Variants in NEDD4L observed in about 807,000 individuals in gnomAD.
NEDD4L encodes NEDD4 like E3 ubiquitin protein ligase.
A neutral mutation model predicts 148.9 loss-of-function variants in NEDD4L; 54 were observed. The ratio of observed to expected loss-of-function variants is 0.36; its 90% CI spans 0.29 to 0.45. The LOEUF (loss-of-function observed/expected upper bound fraction) is 0.45, where lower values mean the gene tolerates loss of function less well. Ranked by LOEUF, NEDD4L falls within the 20% of genes least tolerant of loss-of-function variation. The pLI, the probability that NEDD4L is intolerant of heterozygous loss-of-function variation, is 1.00. For missense variants in NEDD4L, 856 were observed against 1,233.8 expected (o/e 0.69, Z 4.59); for synonymous variants, 433 against 440.7 (o/e 0.98, Z 0.22).
chr18:58,333,059 C>G (rs2041208964), intron 11 of NEDD4L, among the ~76,000 whole-genome samples: 1 of 151,986 alleles, frequency 6.6e-6, no homozygotes. Flanking sequence ...GGTGAATCAT[C>G]TGAGGTCAGG....
chr18:58,337,683 G>A (rs1196377608), intron 13 of NEDD4L, among the ~76,000 whole-genome samples: 4 of 151,986 alleles, frequency 2.6e-5, no homozygotes, highest in South Asian at 2.1e-4. Context: ...ATTCACTGAC[G>A]TAAAGGCACT....
At chr18:58,206,173 G>A (rs960786493) in intron 2 of NEDD4L, among the ~76,000 whole-genome samples, 2 of 152,130 alleles carry the variant, frequency 1.3e-5, no homozygotes, top group Non-Finnish European at 2.9e-5. Flanking sequence ...CGGATCACCT[G>A]AGGTCAGGAG....
At chr18:58,181,018 T>C (rs191799094) in intron 2 of NEDD4L, among the ~76,000 whole-genome samples, 87 of 152,372 alleles carry the variant, frequency 5.7e-4, no homozygotes, top group Admixed American at 5.4e-3. Flanking sequence ...ATTGGAGTTC[T>C]TTTTCAGAGG....
At chr18:58,357,523 C>G (rs1568833686) in intron 19 of NEDD4L, 2 of 616,174 alleles carry the variant, frequency 3.2e-6, no homozygotes, top group Non-Finnish European at 6.0e-6. Flanking sequence ...AAAGGGTGGA[C>G]TATAAGTATA....
At chr18:58,338,192 TGATGAAAA>T (rs1230756215) in intron 13 of NEDD4L, among the ~76,000 whole-genome samples, 1 of 152,264 alleles carries the variant, frequency 6.6e-6, no homozygotes, top group East Asian at 1.9e-4. Flanking sequence ...ATTCAGTCTA[TGATGAAAA>T]GCTGTGAAAT....
intron 1 of NEDD4L, among the ~76,000 whole-genome samples, chr18:58,147,166 T>C (rs1344463654): frequency 3.3e-5 from 5 of 152,200 alleles, no homozygotes; most frequent in Non-Finnish European, 7.3e-5. Context: ...AAACTAAAAT[T>C]ATTTCAAAAT....
intron 5 of NEDD4L, among the ~76,000 whole-genome samples, chr18:58,301,693 G>C (rs568232785): frequency 3.4e-4 from 52 of 152,302 alleles, no homozygotes; most frequent in African/African-American, 1.2e-3. Context: ...AGCAGCCTGT[G>C]TTTTTTCAAG....
At chr18:58,133,899 A>G (rs972145751) in intron 1 of NEDD4L, among the ~76,000 whole-genome samples, 3 of 152,262 alleles carry the variant, frequency 2.0e-5, no homozygotes, top group African/African-American at 4.8e-5. Flanking sequence ...AGCTCGCTTC[A>G]TCCTCATAAC....
rs74376377 is a variant in NEDD4L at position 58,315,179 on chromosome 18, C to T, written c.298-803C>T. The stretch of plus-strand genomic sequence containing the variant: ...AGTCATTGTGTTCCAGTTTGCTTCT[C>T]GGGTCATCTAAACATCAGAGGCCAT... On this transcript the variant is annotated intron_variant, in intron 5 of 30. Coordinates refer to ENST00000400345, the MANE Select transcript of NEDD4L (RefSeq NM_001144967.3). 4.5e-3 allele frequency among the ~76,000 whole-genome samples: 682 copies of T among 152,180 alleles called. 1 individual carries two copies. Among genetic ancestry groups the T allele is most frequent in the African/African-American group, 0.016 (644 of 41,506 alleles).
chr18:58,340,443 T>C (rs368520993), intron 13 of NEDD4L, among the ~76,000 whole-genome samples: 16 of 152,308 alleles, frequency 1.1e-4, no homozygotes, highest in African/African-American at 2.9e-4. Context: ...CTTCCTGAGC[T>C]GGGGCACACA....
rs972352345 is a variant in NEDD4L, at chr18:58,400,663, G to A, written c.*4394G>A. 6.6e-6 allele frequency: 1 copy of A among 152,226 alleles called. No homozygotes were observed. Among genetic ancestry groups the A allele is most frequent in the African/African-American group, 2.4e-5 (1 of 41,456 alleles). 9.4% of individuals were successfully genotyped at this position (152,226 alleles called of 1,614,324 possible). On this transcript the variant is annotated 3_prime_UTR_variant, in exon 31 of 31. Transcript: ENST00000400345. Reference sequence around the variant, plus strand: ...GTCTTTCCGTTCGTTGGTTTTCTGTGTGTAAGGAGTAGCATTGCTGTTGGC... The same window carrying A: ...GTCTTTCCGTTCGTTGGTTTTCTGTATGTAAGGAGTAGCATTGCTGTTGGC...
At chr18:58,329,365 A>T (rs569508308) in intron 10 of NEDD4L, among the ~76,000 whole-genome samples, 21 of 151,874 alleles carry the variant, frequency 1.4e-4, no homozygotes, top group East Asian at 3.9e-4. Flanking sequence ...TTTTATTTTT[A>T]TTTTTTTTGA....
intron 5 of NEDD4L, among the ~76,000 whole-genome samples, chr18:58,307,101 T>C (rs2057158594): frequency 6.6e-6 from 1 of 152,184 alleles, no homozygotes; most frequent in Non-Finnish European, 1.5e-5. Context: ...AGCCAAAATA[T>C]GGCTAAAGGA....
At chr18:58,374,904 C>T (rs1002475460) in intron 24 of NEDD4L, among the ~76,000 whole-genome samples, 1 of 152,168 alleles carries the variant, frequency 6.6e-6, no homozygotes, top group African/African-American at 2.4e-5. Flanking sequence ...CATCTCCGCT[C>T]ACCACCAGCC....
At chr18:58,284,954 C>T (rs2053674560) in intron 5 of NEDD4L, among the ~76,000 whole-genome samples, 1 of 152,142 alleles carries the variant, frequency 6.6e-6, no homozygotes, top group Non-Finnish European at 1.5e-5. Context: ...ATGGGGCACT[C>T]CTGCTCCTGC....
intron 1 of NEDD4L, among the ~76,000 whole-genome samples, chr18:58,075,636 T>C (rs2083116934): frequency 6.6e-6 from 1 of 152,098 alleles, no homozygotes; most frequent in Non-Finnish European, 1.5e-5. Context: ...TTAAGAGTAT[T>C]TTTTTCAGGC....
chr18:58,307,442 A>G (rs1240601692), intron 5 of NEDD4L, among the ~76,000 whole-genome samples: 1 of 152,202 alleles, frequency 6.6e-6, no homozygotes, highest in Non-Finnish European at 1.5e-5. Flanking sequence ...TGAACTAAGG[A>G]AAAGTCCTGC....
At chr18:58,082,099 TA>T (rs1182046566) in intron 1 of NEDD4L, among the ~76,000 whole-genome samples, 1,055 of 95,894 alleles carry the variant, frequency 0.011, 10 homozygotes, top group African/African-American at 0.029. Flanking sequence ...TATATATATA[TA>T]TATTTTTTTT....
At chr18:58,228,574 C>T (rs192712378) in intron 2 of NEDD4L, among the ~76,000 whole-genome samples, 1 of 152,318 alleles carries the variant, frequency 6.6e-6, no homozygotes, top group Admixed American at 6.5e-5. Context: ...GCTGCATTGA[C>T]AAGATACGGA....
Sources: allele counts gnomAD v4.1 joint callset (sites outside exome capture counted in the v4.1 genomes callset), GRCh38; gene constraint gnomAD v4.1.1; transcripts MANE v1.5; gene names NCBI Gene and HGNC (gene_info 2026-07-23, HGNC 2026-07-21).